The following ACAD9 variants were observed in gnomAD, a reference collection of about 807,000 sequenced individuals.
The protein encoded by ACAD9 is complex I assembly factor ACAD9, mitochondrial.
A neutral mutation model predicts 70.2 loss-of-function variants in ACAD9; 53 were observed. The ratio of observed to expected loss-of-function variants is 0.75; its 90% CI spans 0.61 to 0.95. The LOEUF (loss-of-function observed/expected upper bound fraction) is 0.95, where lower values mean the gene tolerates loss of function less well. ACAD9 is among the 40% of genes least tolerant of loss of function. The pLI, the probability that ACAD9 is intolerant of heterozygous loss-of-function variation, is 0.00. For synonymous variants in ACAD9, 313 were observed against 312.1 expected, an observed-to-expected ratio of 1.00 and a Z score of -0.03; for missense variants, 777 against 802.8, an observed-to-expected ratio of 0.97 and a Z score of 0.39.
rs1339212564 is a variant in ACAD9, at chr3:128,886,504, T to G, written c.244+1758T>G. Among the ~76,000 whole-genome samples the G allele has an allele frequency of 2.0e-5, 3 of 151,592 alleles. No homozygotes were observed. In the East Asian group the frequency reaches 5.9e-4, roughly 30 times the overall value. On this transcript the variant is annotated intron_variant, in intron 2 of 17. Coordinates refer to ENST00000308982, the MANE Select transcript of ACAD9 (RefSeq NM_014049.5). ...TGGGTGGATCACCTGAGGTCGGGAG[T>G]TCGATACCAGCCTGACCAACATGGA...
intron 11 of ACAD9, 95 bp from the exon 12 acceptor site, chr3:128,906,026 C>T (rs1162002017): frequency 2.5e-6 from 4 of 1,575,626 alleles, no homozygotes; most frequent in East Asian, 2.2e-5. Flanking sequence ...CCGATCTCCT[C>T]CCCAAGCCCG....
In ACAD9 at chr3:128,895,331, C is replaced by A. The variant is rs1303296613; in HGVS notation, c.368C>A (p.Thr123Asn). Residue 123 changes from threonine (T) to asparagine (N), a missense_variant, in exon 4 of 18, where the codon ACC becomes AAC. Physicochemically the swap from Thr to Asn is moderately conservative, Grantham distance 65 (BLOSUM62 0). Coordinates refer to ENST00000308982, the MANE Select transcript of ACAD9 (RefSeq NM_014049.5). ...EEYGGLGFSN[T>N]MYSRLGEIIS... ...CTAGGTGGCCTGGGCTTCTCCAACA[C>A]CATGTACTCAAGACTAGGGGAGATC... 1 of 1,612,478 alleles carries A rather than the reference C, an allele frequency of 6.2e-7. No homozygotes were observed. Among genetic ancestry groups the A allele is most frequent in the South Asian group, 1.1e-5 (1 of 90,572 alleles).
Position 128,910,789 on chromosome 3 carries a change from T to C in ACAD9, c.1741T>C (p.Phe581Leu). The C allele has an allele frequency of 1.9e-6, 3 of 1,614,204 alleles. No individual in the cohort carries two copies. Among genetic ancestry groups the C allele is most frequent in the South Asian group, 1.1e-5 (1 of 91,086 alleles). ...CGTGGAAGCTTACTTGCAGAATCTCTTCAGCCTCTCTCAGCTGGACAAGTG... is the reference window on the plus strand; with the variant it reads ...CGTGGAAGCTTACTTGCAGAATCTCCTCAGCCTCTCTCAGCTGGACAAGTG... ...FCVEAYLQNL[F>L]SLSQLDKYAP... The change falls in exon 17 of 18, where the codon TTC becomes CTC. Residue 581 changes from phenylalanine (F) to leucine (L), a missense_variant. Transcript: ENST00000308982.
chr3:128,899,522 CGGTGTGTGTGTGTG>C (rs1935674608), intron 7 of ACAD9, 61 bp downstream of exon 7: 3 of 1,146,296 alleles, frequency 2.6e-6, no homozygotes, highest in African/African-American at 2.3e-5. Flanking sequence ...TGGCCTTTGA[CGGTGTGTGTGTGTG>C]TGTGTGTGTG....
intron 2 of ACAD9, among the ~76,000 whole-genome samples, chr3:128,886,023 A>AG (rs1223827533): frequency 1.3e-5 from 2 of 149,928 alleles, no homozygotes; most frequent in Admixed American, 1.4e-4. Flanking sequence ...TCTAAAAAAA[A>AG]AAAATAAAAT....
chr3:128,897,760 C>T (rs773865122), intron 6 of ACAD9, 50 bp downstream of exon 6: 8 of 1,540,386 alleles, frequency 5.2e-6, no homozygotes, highest in Admixed American at 1.8e-5. Flanking sequence ...ACAACCTTCA[C>T]TGCCACTGAG....
chr3:128,908,285 G>GT, intron 13 of ACAD9, 21 bp downstream of exon 13: 1 of 1,613,870 alleles, frequency 6.2e-7, no homozygotes, highest in Non-Finnish European at 8.5e-7. Context: ...TTGTCACCGT[G>GT]TGCTTCTCAG....
intron 3 of ACAD9, among the ~76,000 whole-genome samples, chr3:128,894,800 G>A (rs1474916521): frequency 2.0e-5 from 3 of 151,266 alleles, no homozygotes; most frequent in Admixed American, 6.6e-5. Flanking sequence ...CTCCCAAAGC[G>A]CCGGGATTAC....
At chr3:128,883,457 A>T (rs988916920) in intron 1 of ACAD9, among the ~76,000 whole-genome samples, 2 of 151,838 alleles carry the variant, frequency 1.3e-5, no homozygotes, top group African/African-American at 4.8e-5. Flanking sequence ...TCCCGGGTTC[A>T]AGCAATTCTC....
At chr3:128,893,330 C>CAA (rs972675835) in intron 2 of ACAD9, among the ~76,000 whole-genome samples, 1 of 152,104 alleles carries the variant, frequency 6.6e-6, no homozygotes, top group Non-Finnish European at 1.5e-5. Flanking sequence ...GCCTGGATAT[C>CAA]AGAGTGAGAC....
At chr3:128,889,178 A>C (rs144708104) in intron 2 of ACAD9, among the ~76,000 whole-genome samples, 3,283 of 151,688 alleles carry the variant, frequency 0.022, 47 homozygotes, top group Non-Finnish European at 0.032. Flanking sequence ...AAAAAAAAAA[A>C]ACAAAAAATA....
intron 6 of ACAD9, 52 bp from the exon 7 acceptor site, chr3:128,899,235 G>T: frequency 6.3e-7 from 1 of 1,589,540 alleles, no homozygotes; most frequent in East Asian, 2.2e-5. Flanking sequence ...CAGAGCTGAG[G>T]TGGGTCACAT....
chr3:128,900,921 G>C (rs568702587), intron 7 of ACAD9, among the ~76,000 whole-genome samples: 104 of 152,224 alleles, frequency 6.8e-4, no homozygotes, highest in African/African-American at 2.4e-3. Context: ...CTCTTTATAT[G>C]CCTGGTTCTT....
chr3:128,890,966 T>C (rs1935404704), intron 2 of ACAD9, among the ~76,000 whole-genome samples: 1 of 151,522 alleles, frequency 6.6e-6, no homozygotes, highest in East Asian at 2.0e-4. Context: ...CTCAGCCTCC[T>C]GAGTAGCTGG....
chr3:128,891,619 T>G (rs547569209), intron 2 of ACAD9, among the ~76,000 whole-genome samples: 1 of 152,284 alleles, frequency 6.6e-6, no homozygotes, highest in African/African-American at 2.4e-5. Flanking sequence ...AGACTCCATC[T>G]CGAAAAGAAA....
At position 128,910,112 on chromosome 3, in the gene ACAD9, G is replaced by A. The variant is rs1468327320; in HGVS notation, c.1655G>A (p.Arg552His). 9 of 1,613,872 alleles carry A rather than the reference G, an allele frequency of 5.6e-6. No homozygotes were observed. The highest frequency in any genetic ancestry group is 2.7e-5 in the African/African-American group (2 of 74,944). Residue 552 changes from arginine to histidine, a missense_variant, in exon 16 of 18, where the codon CGC (arginine) becomes CAC (histidine). Physicochemically the swap from Arg to His is conservative, Grantham distance 29. Transcript: ENST00000308982. Reference sequence around the variant, plus strand: ...ACGGCCGTGCTGTCGCGGGCCAGCCGCTCCATCCGCATTGGGCTCCGCAAC... The same window carrying A: ...ACGGCCGTGCTGTCGCGGGCCAGCCACTCCATCCGCATTGGGCTCCGCAAC... The part of the protein sequence containing the change: ...GMTAVLSRAS[R>H]SIRIGLRNHD...
rs1553731761 is a variant in ACAD9 at position 128,904,090 on chromosome 3, G to C, written c.987G>C (p.Arg329Ser). 3 of 1,614,104 alleles carry C rather than the reference G, an allele frequency of 1.9e-6. No homozygotes were observed. The African/African-American group carries it at 4.0e-5, about 22-fold the overall frequency. Residue 329 changes from arginine (R) to serine (S), a missense_variant, in exon 10 of 18, where the codon AGG (arginine) becomes AGC (serine). Coordinates refer to ENST00000308982, the MANE Select transcript of ACAD9 (RefSeq NM_014049.5). ...TGACTGCTGAGTACGCCTGCACAAG[G>C]AAACAGTTTAACAAGAGGCTCAGTG... ...IEMTAEYACT[R>S]KQFNKRLSEF...
chr3:128,886,233 T>C (rs1330677281), intron 2 of ACAD9, among the ~76,000 whole-genome samples: 1 of 150,650 alleles, frequency 6.6e-6, no homozygotes, highest in African/African-American at 2.4e-5. Context: ...CTCCCAAGTA[T>C]CTGGGACTGC....
chr3:128,902,442 G>A lies in ACAD9; in HGVS notation c.883-111G>A. The A allele has an allele frequency of 9.8e-7, 1 of 1,021,600 alleles. No individual in the cohort carries two copies. 63.3% of individuals were successfully genotyped at this position (1,021,600 alleles called of 1,614,324 possible). A position where few individuals can be genotyped will look rare whatever the true frequency, so the allele number is the denominator to read the frequency against. ...CCTTGTTCTGAGGCATTAGGATGGT[G>A]CTTTCTCCCAGCTTGAGGGAAGGCA... On this transcript the variant is annotated intron_variant, in intron 8 of 17. Transcript: ENST00000308982. The surrounding 1 kb of genome is among the most constrained non-coding windows in gnomAD (Gnocchi z 4.0).
Sources: gnomAD v4.1 joint callset for allele counts (sites outside exome capture counted in the v4.1 genomes callset) on GRCh38, gnomAD v4.1.1 for gene constraint, Gnocchi (gnomAD v3.1) non-coding constraint, MANE v1.5 for transcripts, NCBI Gene and HGNC (gene_info 2026-07-23, HGNC 2026-07-21) for gene names.